SLC35F1: variants seen among roughly 807,000 people sequenced by gnomAD.
The protein encoded by SLC35F1 is chromosome 6 open reading frame 169.
Under a neutral mutation model 48.7 loss-of-function variants are expected in SLC35F1, and 14 were observed. That is an observed-to-expected ratio of 0.29 (90% CI 0.19 to 0.45). The LOEUF (loss-of-function observed/expected upper bound fraction) is 0.45. SLC35F1 is among the 20% of genes least tolerant of loss of function. The pLI is 1.00. For synonymous variants in SLC35F1, 190 were observed against 202.2 expected, an observed-to-expected ratio of 0.94 and a Z score of 0.51; for missense variants, 404 against 500.0, an observed-to-expected ratio of 0.81 and a Z score of 1.83.
chr6:118,151,456 C>T (rs1301774580), intron 1 of SLC35F1, among the ~76,000 whole-genome samples: 1 of 152,130 alleles, frequency 6.6e-6, no homozygotes, highest in Admixed American at 6.6e-5. Context: ...CCACTAAAAC[C>T]AGCTCCTTAT....
At chr6:118,045,887 GTT>G (rs1289902720) in intron 1 of SLC35F1, among the ~76,000 whole-genome samples, 2 of 152,120 alleles carry the variant, frequency 1.3e-5, no homozygotes, top group East Asian at 3.8e-4. Flanking sequence ...TTTTACGTTT[GTT>G]TTTCCAGATA....
chr6:118,073,721 AT>A (rs1409603068), intron 1 of SLC35F1, among the ~76,000 whole-genome samples: 2 of 152,166 alleles, frequency 1.3e-5, no homozygotes, highest in African/African-American at 4.8e-5. Flanking sequence ...TTTGAAAAAA[AT>A]TTCTGCCATT....
At chr6:117,953,452 C>G (rs1176097553) in intron 1 of SLC35F1, among the ~76,000 whole-genome samples, 2 of 152,054 alleles carry the variant, frequency 1.3e-5, no homozygotes, top group Non-Finnish European at 2.9e-5. Flanking sequence ...GTTTGTATAA[C>G]TCTTCCATAG....
At chr6:117,911,788 A>G (rs1775767286) in intron 1 of SLC35F1, among the ~76,000 whole-genome samples, 1 of 152,040 alleles carries the variant, frequency 6.6e-6, no homozygotes, top group Non-Finnish European at 1.5e-5. Context: ...TTACCCTGCC[A>G]CAGGCAATCA....
chr6:118,049,850 C>G (rs1388593867), intron 1 of SLC35F1, among the ~76,000 whole-genome samples: 1 of 151,700 alleles, frequency 6.6e-6, no homozygotes, highest in Non-Finnish European at 1.5e-5. Context: ...TTTGACCCAG[C>G]CATCCCATTA....
intron 1 of SLC35F1, among the ~76,000 whole-genome samples, chr6:118,004,222 T>C (rs1351034595): frequency 6.6e-6 from 1 of 152,228 alleles, no homozygotes; most frequent in African/African-American, 2.4e-5. Flanking sequence ...TTTAGGTGTC[T>C]GAGAGTGCTC....
At chr6:118,116,083 T>C (rs1396475929) in intron 1 of SLC35F1, among the ~76,000 whole-genome samples, 1 of 152,180 alleles carries the variant, frequency 6.6e-6, no homozygotes, top group Non-Finnish European at 1.5e-5. Context: ...GGTGCCTTGA[T>C]AAAAGAAGTA....
rs142842416 is a variant in SLC35F1 at position 118,078,005 on chromosome 6, A to AAG, written c.174-76439_174-76438dup. On this transcript the variant is annotated intron_variant, in intron 1 of 7. Transcript: ENST00000360388. ...TTTTGGGATTAAAAGACTATGTCAG[A>AAG]AGGCAAGTGTCACTCTTTAATTGAT... is the stretch of plus-strand genomic sequence containing the variant. Among the ~76,000 whole-genome samples the AAG allele has an allele frequency of 2.7e-3, 405 of 152,328 alleles. 2 individuals are homozygous for AAG. Among genetic ancestry groups the AAG allele is most frequent in the African/African-American group, 9.3e-3 (385 of 41,564 alleles).
intron 1 of SLC35F1, among the ~76,000 whole-genome samples, chr6:117,991,102 G>A (rs909105391): frequency 6.6e-6 from 1 of 152,138 alleles, no homozygotes; most frequent in Non-Finnish European, 1.5e-5. Flanking sequence ...TTGTAACTGG[G>A]ACCAGATCAA....
chr6:118,204,458 G>A (rs1053488525), intron 2 of SLC35F1, among the ~76,000 whole-genome samples: 14 of 152,144 alleles, frequency 9.2e-5, no homozygotes, highest in African/African-American at 3.4e-4. Flanking sequence ...ATCCTGCCCT[G>A]TGATAAAGGG....
Position 118,022,239 on chromosome 6 carries a change from T to A in SLC35F1, c.173+114340T>A, listed in dbSNP as rs142277759. Among the ~76,000 whole-genome samples the A allele has an allele frequency of 5.2e-3, 790 of 152,218 alleles. 7 individuals carry two copies. The highest frequency in any genetic ancestry group is 0.037 in the Middle Eastern group (11 of 294). ...ATGAAATTGGTGATCGGGAAGAAAA[T>A]TTAGACTGGAAACCTGAGGACTAAT... On this transcript the variant is annotated intron_variant, in intron 1 of 7. Coordinates refer to ENST00000360388, the MANE Select transcript of SLC35F1 (RefSeq NM_001029858.4).
chr6:118,097,841 A>G (rs1455438037), intron 1 of SLC35F1, among the ~76,000 whole-genome samples: 3 of 152,174 alleles, frequency 2.0e-5, no homozygotes, highest in African/African-American at 7.2e-5. Context: ...TTCTAGAGTG[A>G]ATTTTTCATT....
chr6:118,182,055 T>C (rs751569680), intron 2 of SLC35F1, among the ~76,000 whole-genome samples: 4 of 152,224 alleles, frequency 2.6e-5, no homozygotes, highest in Admixed American at 6.5e-5. Context: ...GATGATACTT[T>C]CTGTTATGTC....
intron 1 of SLC35F1, among the ~76,000 whole-genome samples, chr6:117,932,274 C>G (rs553082908): frequency 6.6e-6 from 1 of 152,280 alleles, no homozygotes; most frequent in East Asian, 1.9e-4. Flanking sequence ...TATAAATACT[C>G]AGAATATGGT....
intron 1 of SLC35F1, among the ~76,000 whole-genome samples, chr6:118,066,281 A>G (rs1239787854): frequency 1.3e-5 from 2 of 152,212 alleles, no homozygotes; most frequent in Non-Finnish European, 2.9e-5. Flanking sequence ...CCAAATCTCT[A>G]TTATGTGATG....
At chr6:117,907,923 G>A in intron 1 of SLC35F1, 24 bp downstream of exon 1, 1 of 1,305,392 alleles carries the variant, frequency 7.7e-7, no homozygotes, top group South Asian at 2.3e-5. Flanking sequence ...CCGGGCGAGG[G>A]CGCGGGGGGC....
chr6:118,063,015 A>T (rs1772563270), intron 1 of SLC35F1, among the ~76,000 whole-genome samples: 1 of 152,124 alleles, frequency 6.6e-6, no homozygotes, highest in Non-Finnish European at 1.5e-5. Context: ...TGCATCTCAC[A>T]TTTATATTAT....
chr6:118,232,917 A>C (rs1775312536), intron 2 of SLC35F1, among the ~76,000 whole-genome samples: 1 of 151,910 alleles, frequency 6.6e-6, no homozygotes, highest in African/African-American at 2.4e-5. Flanking sequence ...ACCCAAGACC[A>C]GTTAAATCAG....
chr6:118,094,220 G>C (rs1773116758), intron 1 of SLC35F1, among the ~76,000 whole-genome samples: 1 of 152,178 alleles, frequency 6.6e-6, no homozygotes. Flanking sequence ...TGGAACTCAG[G>C]GCACAAATAG....
Sources: gnomAD v4.1 joint callset for allele counts (sites outside exome capture counted in the v4.1 genomes callset) on GRCh38, gnomAD v4.1.1 for gene constraint, MANE v1.5 for transcripts, NCBI Gene and HGNC (gene_info 2026-07-23, HGNC 2026-07-21) for gene names.